MAPK14: variants seen among roughly 807,000 people sequenced by gnomAD.
MAPK14 encodes mitogen-activated protein kinase 14.
In MAPK14, 16 loss-of-function variants were observed where a neutral mutation model predicts 49.6. The ratio of observed to expected loss-of-function variants is 0.32; its 90% CI spans 0.22 to 0.49. MAPK14 has a LOEUF of 0.49. MAPK14 is among the 20% of genes least tolerant of loss of function. The pLI is 0.99. For synonymous variants in MAPK14, 142 were observed against 158.0 expected (o/e 0.90, Z 0.76); for missense variants, 200 against 441.2 (o/e 0.45, Z 4.90).
chr6:36,099,735 A>G (rs1365039871), intron 9 of MAPK14, among the ~76,000 whole-genome samples: 1 of 152,170 alleles, frequency 6.6e-6, no homozygotes, highest in East Asian at 1.9e-4. Context: ...GCCTTGGAGA[A>G]CCTGTGCCGC....
At chr6:36,115,891 G>T (rs950775251), downstream of MAPK14, among the ~76,000 whole-genome samples, 2 of 145,406 alleles carry the variant, frequency 1.4e-5, no homozygotes, top group African/African-American at 5.2e-5. Context: ...TCATGCCACT[G>T]CACTCCAGCC....
chr6:36,047,025 C>T (rs1167689759), intron 1 of MAPK14, among the ~76,000 whole-genome samples: 5 of 152,180 alleles, frequency 3.3e-5, no homozygotes, highest in Non-Finnish European at 7.3e-5. Context: ...GCCATTTTTC[C>T]AGTCTCACCA....
intron 6 of MAPK14, 63 bp from the exon 7 acceptor site, chr6:36,075,785 G>GT (rs750047954): frequency 7.8e-4 from 1,227 of 1,565,078 alleles, no homozygotes; most frequent in Non-Finnish European, 8.7e-4. Context: ...TTGTTGTTTT[G>GT]TTTTTTTTTC....
intron 8 of MAPK14, among the ~76,000 whole-genome samples, chr6:36,077,275 G>A (rs11969934): frequency 0.014 from 2,095 of 152,158 alleles, 59 homozygotes; most frequent in African/African-American, 0.047. Flanking sequence ...TAGTATTAAT[G>A]TCATGAAAAA....
At chr6:36,111,920 C>T (rs1419760624), downstream of MAPK14, among the ~76,000 whole-genome samples, 2 of 152,162 alleles carry the variant, frequency 1.3e-5, no homozygotes, top group African/African-American at 4.8e-5. Flanking sequence ...AAGAATCAGA[C>T]AGTTGGCCGG....
chr6:36,062,471 A>G (rs6908372), intron 3 of MAPK14, among the ~76,000 whole-genome samples: 20 of 152,164 alleles, frequency 1.3e-4, no homozygotes, highest in Non-Finnish European at 2.1e-4. Context: ...TCAAATTCAC[A>G]TTGAAACAAA....
chr6:36,057,185 T>G (rs1403661751), intron 2 of MAPK14, among the ~76,000 whole-genome samples: 4 of 152,232 alleles, frequency 2.6e-5, no homozygotes, highest in Non-Finnish European at 2.9e-5. Context: ...TCTTGCAGTA[T>G]TCCTTAAATG....
chr6:36,040,441 A>G (rs903987830), intron 1 of MAPK14, among the ~76,000 whole-genome samples: 3 of 152,226 alleles, frequency 2.0e-5, no homozygotes, highest in Admixed American at 6.5e-5. Flanking sequence ...TCCACCTGCA[A>G]AAAGGCAGAA....
chr6:36,049,691 G>A (rs1033783517), intron 1 of MAPK14, among the ~76,000 whole-genome samples: 2 of 152,172 alleles, frequency 1.3e-5, no homozygotes, highest in Non-Finnish European at 1.5e-5. Context: ...GCTGAAGGCG[G>A]TAAACAAGTA....
chr6:36,099,821 T>TCATCTATATTTCTC (rs1765572014), intron 9 of MAPK14, among the ~76,000 whole-genome samples: 1 of 152,232 alleles, frequency 6.6e-6, no homozygotes, highest in Non-Finnish European at 1.5e-5. Context: ...ATTTTTGGAA[T>TCATCTATATTTCTC]CATCTATATT....
At chr6:36,045,827 A>G (rs1022385028) in intron 1 of MAPK14, among the ~76,000 whole-genome samples, 392 of 151,040 alleles carry the variant, frequency 2.6e-3, no homozygotes, top group Non-Finnish European at 4.7e-3. Context: ...AAAAAAAAAA[A>G]AAAAAAGAAA....
chr6:36,117,623 G>A, the MAPK14 span, among the ~76,000 whole-genome samples: 1 of 152,160 alleles, frequency 6.6e-6, no homozygotes, highest in Non-Finnish European at 1.5e-5. Flanking sequence ...TAAAGGTTAA[G>A]GATACAGGCT....
At position 36,036,850 on chromosome 6, in the gene MAPK14, C is replaced by T. The variant is rs866436138; in HGVS notation, c.116+8577C>T. On this transcript the variant is annotated intron_variant, in intron 1 of 11. Coordinates refer to ENST00000229794, the MANE Select transcript of MAPK14 (RefSeq NM_139012.3). ...CCACCTCCCAGGTTCAAGCAATTCT[C>T]CCACCTTAGCCTCCCGAGTAGCTGG... 2.6e-5 allele frequency among the ~76,000 whole-genome samples: 4 copies of T among 152,260 alleles called. No homozygotes were observed. The South Asian group carries it at 8.3e-4, about 32-fold the overall frequency.
intron 9 of MAPK14, among the ~76,000 whole-genome samples, chr6:36,101,355 T>C (rs1765629699): frequency 6.6e-6 from 1 of 152,166 alleles, no homozygotes. Context: ...GGAGGGTTGC[T>C]TGAGTCAGGA....
chr6:36,101,066 TA>T (rs1765616786), intron 9 of MAPK14, among the ~76,000 whole-genome samples: 1 of 152,212 alleles, frequency 6.6e-6, no homozygotes, highest in East Asian at 1.9e-4. Context: ...ATTCAATTCC[TA>T]AAACTTTCTT....
At chr6:36,057,801 T>C (rs1763644509) in intron 2 of MAPK14, among the ~76,000 whole-genome samples, 1 of 152,118 alleles carries the variant, frequency 6.6e-6, no homozygotes, top group African/African-American at 2.4e-5. Flanking sequence ...ATGTTTTGAG[T>C]GTTAACATAT....
rs180827551 is a variant in MAPK14, at chr6:36,090,875, G to A, written c.683-5112G>A. 4.6e-5 allele frequency among the ~76,000 whole-genome samples: 7 copies of A among 152,248 alleles called. No homozygotes were observed. In the East Asian group the frequency reaches 1.4e-3, roughly 29 times the overall value. On this transcript the variant is annotated intron_variant, in intron 8 of 11. Coordinates refer to ENST00000229794, the MANE Select transcript of MAPK14 (RefSeq NM_139012.3). ...CTAACTTGAAAATACATTTTCTCAG[G>A]AAAAGGTAGAATCCTCAGATTTGTC... is the stretch of plus-strand genomic sequence containing the variant.
At chr6:36,061,767 G>A (rs1763831431) in intron 3 of MAPK14, among the ~76,000 whole-genome samples, 2 of 152,142 alleles carry the variant, frequency 1.3e-5, no homozygotes, top group African/African-American at 4.8e-5. Context: ...TATGACCTTG[G>A]ACAAGTCACT....
rs1463244273 is a variant in MAPK14 at position 36,041,391 on chromosome 6, A to G, written c.117-11308A>G. The stretch of plus-strand genomic sequence containing the variant: ...CTCTTTCTGTGCATATTCTTTTTGA[A>G]TTCATTATCTGATAGTCTCAACAAT... On this transcript the variant is annotated intron_variant, in intron 1 of 11. Transcript: ENST00000229794. Among the ~76,000 whole-genome samples, 9 of 151,084 alleles carry G rather than the reference A, an allele frequency of 6.0e-5. No individual in the cohort carries two copies. In the East Asian group the frequency reaches 1.8e-3, roughly 29 times the overall value.
Sources: allele counts gnomAD v4.1 joint callset (sites outside exome capture counted in the v4.1 genomes callset), GRCh38; gene constraint gnomAD v4.1.1; transcripts MANE v1.5; gene names NCBI Gene and HGNC (gene_info 2026-07-23, HGNC 2026-07-21).